Variants in PDE9A observed in about 807,000 individuals in gnomAD.
PDE9A encodes the protein phosphodiesterase 9A, also known as high affinity cGMP-specific 3',5'-cyclic phosphodiesterase 9A.
PDE9A carries 60 observed loss-of-function variants against 87.4 expected under a neutral mutation model. The observed-to-expected ratio is 0.69, with a 90% CI of 0.56 to 0.85. The LOEUF (loss-of-function observed/expected upper bound fraction) is 0.85. PDE9A is among the 40% of genes least tolerant of loss of function. The pLI is 0.00. For missense variants in PDE9A, 665 were observed against 779.0 expected (o/e 0.85, Z 1.74); for synonymous variants, 272 against 279.4 (o/e 0.97, Z 0.27).
intron 9 of PDE9A, among the ~76,000 whole-genome samples, chr21:42,752,278 T>C (rs1301663149): frequency 6.6e-6 from 1 of 151,106 alleles, no homozygotes; most frequent in South Asian, 2.1e-4. Context: ...GGGGTTTTTG[T>C]TTTTTTCTTT....
Position 42,760,781 on chromosome 21 carries a change from C to G in PDE9A, c.1003-44C>G, listed in dbSNP as rs765003338. On this transcript the variant is annotated intron_variant, in intron 12 of 19. Coordinates refer to ENST00000291539, the MANE Select transcript of PDE9A (RefSeq NM_002606.3). The surrounding 1 kb of genome is among the most constrained non-coding windows in gnomAD (Gnocchi z 5.2). ...ACCCCCCCTCACCCCATCCCACCCT[C>G]CGAGTGAAGAGAGCAAACACCTACG... 3 of 1,098,298 alleles carry G rather than the reference C, an allele frequency of 2.7e-6. No homozygotes were observed. The highest frequency in any genetic ancestry group is 4.2e-6 in the Non-Finnish European group (3 of 711,310). The allele number at this position is 1,098,298 out of a possible 1,614,324, so 68.0% of individuals were successfully genotyped here.
rs2056300999 is a variant in PDE9A at position 42,765,433 on chromosome 21, T to C, written c.1295T>C (p.Met432Thr). The change falls in exon 15 of 20, where the codon ATG (methionine) becomes ACG (threonine). Residue 432 changes from methionine to threonine, a missense_variant. Transcript: ENST00000291539. Reference protein sequence around the residue: ...ATDMARHAEIMDSFKEKMENF... With the variant: ...ATDMARHAEITDSFKEKMENF... The stretch of plus-strand genomic sequence containing the variant: ...GACATGGCAAGACATGCAGAAATTA[T>C]GGATTCTTTCAAAGAGAAAATGGAG... 1 of 1,613,172 alleles carries C rather than the reference T, an allele frequency of 6.2e-7. No homozygotes were observed. The highest frequency in any genetic ancestry group is 1.1e-5 in the South Asian group (1 of 91,052).
At chr21:42,697,537 A>G in intron 3 of PDE9A, 2 of 1,127,404 alleles carry the variant, frequency 1.8e-6, no homozygotes, top group South Asian at 2.5e-5. Flanking sequence ...ACTACCTGAC[A>G]CTGCAGTGTC....
intron 8 of PDE9A, among the ~76,000 whole-genome samples, chr21:42,750,595 T>C (rs2054316860): frequency 6.6e-6 from 1 of 152,030 alleles, no homozygotes; most frequent in African/African-American, 2.4e-5. Context: ...AGATGGAGTT[T>C]CGCTCTTGTT....
At chr21:42,670,739 TCA>T (rs1259930087) in intron 1 of PDE9A, among the ~76,000 whole-genome samples, 1 of 145,124 alleles carries the variant, frequency 6.9e-6, no homozygotes, top group African/African-American at 2.5e-5. Context: ...ACACCCACAT[TCA>T]CACACATACA....
In PDE9A at chr21:42,704,433, A is replaced by AACACACACACACACACACACAC. The variant is rs34581078; in HGVS notation, c.262+5438_262+5459dup. ...CAGGTAGACCCCCCCCACCCCACCA[A>AACACACACACACACACACACAC]ACACACACACACACACACACACACA... On this transcript the variant is annotated intron_variant, in intron 4 of 19. Coordinates refer to ENST00000291539, the MANE Select transcript of PDE9A (RefSeq NM_002606.3). The surrounding 1 kb of genome is among the most constrained non-coding windows in gnomAD (Gnocchi z 5.3). Among the ~76,000 whole-genome samples the AACACACACACACACACACACAC allele has an allele frequency of 2.9e-5, 4 of 137,116 alleles. 1 individual carries two copies. In the East Asian group the frequency reaches 6.5e-4, roughly 22 times the overall value. The allele number at this position is 137,116 out of a possible 152,430, so 90.0% of individuals were successfully genotyped here.
chr21:42,666,976 G>A (rs1364432508), intron 1 of PDE9A, among the ~76,000 whole-genome samples: 3 of 152,168 alleles, frequency 2.0e-5, no homozygotes, highest in South Asian at 4.1e-4. Flanking sequence ...CCTGGTGACC[G>A]CCGACTCGCC....
At chr21:42,699,801 C>T (rs1226770140) in intron 4 of PDE9A, among the ~76,000 whole-genome samples, 2 of 152,094 alleles carry the variant, frequency 1.3e-5, no homozygotes, top group Non-Finnish European at 2.9e-5. Flanking sequence ...TCAGGTGATC[C>T]ACCTGTCTTA....
rs1197356167 is a variant in PDE9A, at chr21:42,726,624, AT to A, written c.263-5129del. On this transcript the variant is annotated intron_variant, in intron 4 of 19. Transcript: ENST00000291539. The stretch of plus-strand genomic sequence containing the variant: ...TATATATATATATATATATATATAT[AT>A]TTTTTTTTTTTTTTTTGTAGAGATG... Among the ~76,000 whole-genome samples the A allele has an allele frequency of 5.6e-4, 11 of 19,780 alleles. 1 individual carries two copies. Among genetic ancestry groups the A allele is most frequent in the Admixed American group, 8.2e-4 (1 of 1,222 alleles). 13.0% of individuals were successfully genotyped at this position (19,780 alleles called of 152,430 possible).
Position 42,695,513 on chromosome 21 carries a change from G to A in PDE9A, c.219-3455G>A, listed in dbSNP as rs984235603. On this transcript the variant is annotated intron_variant, in intron 3 of 19. Coordinates refer to ENST00000291539, the MANE Select transcript of PDE9A (RefSeq NM_002606.3). This position sits in a 1 kb window ranked among gnomAD's most constrained non-coding sequence, Gnocchi z 4.3. The stretch of plus-strand genomic sequence containing the variant: ...GGGGAGAGGGCCAGAGGACGGCGCC[G>A]TGCGACACACACCATTGCTCCTTTT... Among the ~76,000 whole-genome samples the A allele has an allele frequency of 2.6e-5, 4 of 152,200 alleles. No homozygotes were observed. The highest frequency in any genetic ancestry group is 2.0e-4 in the Admixed American group (3 of 15,288).
intron 10 of PDE9A, chr21:42,758,067 G>A (rs951403291): frequency 1.3e-5 from 2 of 152,316 alleles, no homozygotes; most frequent in African/African-American, 4.8e-5. Context: ...GGCTGGAGGT[G>A]GGCCCTGGGT....
intron 8 of PDE9A, among the ~76,000 whole-genome samples, chr21:42,744,779 G>A (rs141778211): frequency 2.6e-5 from 4 of 152,320 alleles, no homozygotes; most frequent in African/African-American, 7.2e-5. Flanking sequence ...GATGAACCAC[G>A]ACCAAACTGG....
Position 42,726,624 on chromosome 21 carries a change from A to ATATATATATT in PDE9A, c.263-5145_263-5144insATATATATTT. ...TATATATATATATATATATATATAT[A>ATATATATATT]TTTTTTTTTTTTTTTTTGTAGAGAT... On this transcript the variant is annotated intron_variant, in intron 4 of 19. Coordinates refer to ENST00000291539, the MANE Select transcript of PDE9A (RefSeq NM_002606.3). Among the ~76,000 whole-genome samples, 91 of 19,770 alleles carry ATATATATATT rather than the reference A, an allele frequency of 4.6e-3. 1 individual carries two copies. The highest frequency in any genetic ancestry group is 5.9e-3 in the Non-Finnish European group (79 of 13,350). The allele number at this position is 19,770 out of a possible 152,430, so 13.0% of individuals were successfully genotyped here.
rs867454705 is a variant in PDE9A at position 42,743,845 on chromosome 21, C to G, written c.638C>G (p.Ala213Gly). Reference protein sequence around the residue: ...SDIKKMREELAARSSRTNCPC... With the variant: ...SDIKKMREELGARSSRTNCPC... ...ATTAAGAAGATGAGGGAGGAGCTGG[C>G]GGCCAGAAGCAGCAGGTAGGGTCTG... The change falls in exon 8 of 20, where the codon GCG (alanine) becomes GGG (glycine). Residue 213 changes from alanine to glycine, a missense_variant. By Grantham distance (60) the Ala-to-Gly change is moderately conservative. Transcript: ENST00000291539. The G allele has an allele frequency of 2.5e-6, 4 of 1,577,770 alleles. No homozygotes were observed. In the Admixed American group the frequency reaches 5.4e-5, roughly 21 times the overall value.
rs2050773918 is a variant in PDE9A, at chr21:42,723,923, A to T, written c.263-7847A>T. ...ATGACTTGAATAGGCTTTAATTTTTAAAATTCATTATACGTCCTGCAGCAT... is the reference window on the plus strand; with the variant it reads ...ATGACTTGAATAGGCTTTAATTTTTTAAATTCATTATACGTCCTGCAGCAT... On this transcript the variant is annotated intron_variant, in intron 4 of 19. Coordinates refer to ENST00000291539, the MANE Select transcript of PDE9A (RefSeq NM_002606.3). This position sits in a 1 kb window ranked among gnomAD's most constrained non-coding sequence, Gnocchi z 4.3. 6.6e-6 allele frequency among the ~76,000 whole-genome samples: 1 copy of T among 152,250 alleles called. No individual in the cohort carries two copies.
At chr21:42,670,599 A>G (rs567239762) in intron 1 of PDE9A, among the ~76,000 whole-genome samples, 1 of 151,288 alleles carries the variant, frequency 6.6e-6, no homozygotes, top group East Asian at 1.9e-4. Context: ...ACACTTACAC[A>G]TGCACTCACA....
At chr21:42,668,600 T>C (rs1171630621) in intron 1 of PDE9A, among the ~76,000 whole-genome samples, 2 of 152,154 alleles carry the variant, frequency 1.3e-5, no homozygotes, top group East Asian at 3.9e-4. Flanking sequence ...GATCCATTAT[T>C]TATAACAGTG....
In PDE9A at chr21:42,762,197, C is replaced by T. The variant is rs1301015661; in HGVS notation, c.1200C>T (p.Ile400=). The change falls in exon 14 of 20, where the codon ATC becomes ATT. Residue 400 remains isoleucine, a synonymous_variant. Transcript: ENST00000291539. The stretch of plus-strand genomic sequence containing the variant: ...TCCTCGCCGAGCCTGAGTGCAACAT[C>T]TTCTCCAACATCCCACCTGATGGGT... ...FQILAEPECN[I]FSNIPPDGFK... 6.2e-7 allele frequency: 1 copy of T among 1,614,190 alleles called. No homozygotes were observed. The highest frequency in any genetic ancestry group is 1.1e-5 in the South Asian group (1 of 91,092).
intron 4 of PDE9A, among the ~76,000 whole-genome samples, chr21:42,718,432 T>C (rs1470714215): frequency 6.6e-6 from 1 of 151,834 alleles, no homozygotes; most frequent in Non-Finnish European, 1.5e-5. Context: ...TTTGCTGTTG[T>C]CTTTCAAGTG....
Sources: allele counts gnomAD v4.1 joint callset (sites outside exome capture counted in the v4.1 genomes callset), GRCh38; gene constraint gnomAD v4.1.1; non-coding constraint Gnocchi (gnomAD v3.1); transcripts MANE v1.5; gene names NCBI Gene and HGNC (gene_info 2026-07-23, HGNC 2026-07-21).